GCKR: variants seen among roughly 807,000 people sequenced by gnomAD.
GCKR encodes the protein glucokinase regulator.
Under a neutral mutation model 82.9 loss-of-function variants are expected in GCKR, and 73 were observed. The ratio of observed to expected loss-of-function variants is 0.88; its 90% CI spans 0.73 to 1.07. The LOEUF (loss-of-function observed/expected upper bound fraction) is 1.07. Ranked by LOEUF, GCKR falls within the 50% of genes least tolerant of loss-of-function variation. The probability of loss-of-function intolerance (pLI) is 0.00; values close to 1 mark genes in which losing one functional copy is unlikely to be tolerated. For missense variants in GCKR, 784 were observed against 782.1 expected (o/e 1.00, Z -0.03); for synonymous variants, 294 against 291.8 (o/e 1.01, Z -0.08).
In GCKR at chr2:27,503,314, AG is replaced by A. The variant is rs1669630930; in HGVS notation, c.645-198del. 2.6e-5 allele frequency among the ~76,000 whole-genome samples: 4 copies of A among 152,168 alleles called. No homozygotes were observed. The South Asian group carries it at 8.3e-4, about 32-fold the overall frequency. ...GAGTGTTGGCTTTGCTCTGGGCTTG[AG>A]GTGCTGCATGTTTTATTAACCCCTG... On this transcript the variant is annotated intron_variant, in intron 8 of 18. Transcript: ENST00000264717.
At chr2:27,513,288 T>C (rs532872263) in intron 16 of GCKR, among the ~76,000 whole-genome samples, 106 of 152,268 alleles carry the variant, frequency 7.0e-4, no homozygotes, top group African/African-American at 2.5e-3. Context: ...CCCAGCACTT[T>C]GGGAGGCTGA....
chr2:27,500,006 C>CTCGCT (rs1669537336), intron 7 of GCKR, among the ~76,000 whole-genome samples: 1 of 152,092 alleles, frequency 6.6e-6, no homozygotes, highest in South Asian at 2.1e-4. Flanking sequence ...GCTCCACCTG[C>CTCGCT]CTCGCTCAGC....
At chr2:27,506,444 T>C (rs1175011881) in intron 10 of GCKR, 37 bp from the exon 11 acceptor site, 11 of 1,356,462 alleles carry the variant, frequency 8.1e-6, no homozygotes, top group Non-Finnish European at 1.2e-5. Flanking sequence ...TGAGGGGGAA[T>C]TGGGCCCTTC....
chr2:27,503,551 C>T lies in GCKR; in HGVS notation c.682C>T (p.Gln228Ter). 1 of 1,610,224 alleles carries T rather than the reference C, an allele frequency of 6.2e-7. No homozygotes were observed. The highest frequency in any genetic ancestry group is 1.1e-5 in the South Asian group (1 of 91,010). ...PIEDWSSTFR[Q>*]VAERMQKMQE... ...TGAAGACTGGAGTTCAACATTCCGA[C>T]AAGTAGCAGAGCGGATGCAGAAAAT... is the stretch of plus-strand genomic sequence containing the variant. Residue 228 changes from glutamine to a stop codon, truncating the protein, a stop_gained, in exon 9 of 19, where the codon CAA becomes TAA. Coordinates refer to ENST00000264717, the MANE Select transcript of GCKR (RefSeq NM_001486.4). LOFTEE classifies it high-confidence loss of function.
At position 27,496,927 on chromosome 2, in the gene GCKR, A is replaced by G; in HGVS notation, c.23A>G (p.Gln8Arg). Residue 8 changes from glutamine (Q) to arginine (R), a missense_variant, in exon 1 of 19, where the codon CAA (glutamine) becomes CGA (arginine). Gln to Arg is a conservative substitution (Grantham distance 43, BLOSUM62 1). Transcript: ENST00000264717. MPGTKRF[Q>R]HVIETPEPGK... ...ACCATGCCAGGCACAAAACGGTTTCAACATGTCATTGAGACCCCGGAGCCT... is the reference window on the plus strand; with the variant it reads ...ACCATGCCAGGCACAAAACGGTTTCGACATGTCATTGAGACCCCGGAGCCT... The G allele has an allele frequency of 6.2e-7, 1 of 1,613,856 alleles. No individual in the cohort carries two copies. The highest frequency in any genetic ancestry group is 1.3e-5 in the African/African-American group (1 of 75,040).
chr2:27,500,491 C>T (rs1669548290), intron 7 of GCKR, among the ~76,000 whole-genome samples: 1 of 152,186 alleles, frequency 6.6e-6, no homozygotes, highest in Non-Finnish European at 1.5e-5. Flanking sequence ...TGGTCTAAGG[C>T]CTCTTTTATG....
At chr2:27,516,238 C>T (rs989771154) in intron 16 of GCKR, among the ~76,000 whole-genome samples, 25 of 141,702 alleles carry the variant, frequency 1.8e-4, no homozygotes, top group Non-Finnish European at 3.5e-4. Context: ...ATTATGGAGG[C>T]GTTATGGTAT....
Position 27,499,167 on chromosome 2 carries a change from A to G in GCKR, c.454A>G (p.Thr152Ala). The G allele has an allele frequency of 1.2e-6, 2 of 1,611,428 alleles. No individual in the cohort carries two copies. The highest frequency in any genetic ancestry group is 1.7e-6 in the Non-Finnish European group (2 of 1,177,822). ...DRSVVASREGTEDSALHGIEE... is the reference protein window; with the variant it reads ...DRSVVASREGAEDSALHGIEE... ...GTCTGTGGTGGCCTCTAGGGAGGGG[A>G]CAGAAGATAGTGCCTTGCACGGGAT... The change falls in exon 6 of 19, where the codon ACA becomes GCA. Residue 152 changes from threonine (T) to alanine (A), a missense_variant. Transcript: ENST00000264717.
At chr2:27,518,631 C>T (rs1264655056) in intron 16 of GCKR, among the ~76,000 whole-genome samples, 157 bp from the exon 17 acceptor site, 1 of 152,130 alleles carries the variant, frequency 6.6e-6, no homozygotes, top group Non-Finnish European at 1.5e-5. Flanking sequence ...CATCTATTGC[C>T]CTAACATTTA....
chr2:27,499,360 T>A, intron 6 of GCKR, 37 bp from the exon 7 acceptor site: 1 of 1,544,470 alleles, frequency 6.5e-7, no homozygotes, highest in Non-Finnish European at 9.0e-7. Flanking sequence ...CCTGGAATCC[T>A]CCCAGTTACA....
At chr2:27,500,905 C>T (rs1669557912) in intron 7 of GCKR, among the ~76,000 whole-genome samples, 1 of 152,136 alleles carries the variant, frequency 6.6e-6, no homozygotes, top group Non-Finnish European at 1.5e-5. Context: ...AGTAGTATTC[C>T]AACTTTACCG....
chr2:27,499,277 C>G, intron 6 of GCKR, 69 bp downstream of exon 6: 7 of 1,370,880 alleles, frequency 5.1e-6, no homozygotes, highest in Non-Finnish European at 6.3e-6. Context: ...ATAAAAGCCC[C>G]AGCATTCAGC....
Position 27,523,532 on chromosome 2 carries a change from G to A in GCKR, c.*93G>A. The A allele has an allele frequency of 7.7e-7, 1 of 1,306,796 alleles. No homozygotes were observed. Among genetic ancestry groups the A allele is most frequent in the Non-Finnish European group, 1.1e-6 (1 of 917,882 alleles). The allele number at this position is 1,306,796 out of a possible 1,614,324, so 81.0% of individuals were successfully genotyped here. A position where few individuals can be genotyped will look rare whatever the true frequency, so the allele number is the denominator to read the frequency against. On this transcript the variant is annotated 3_prime_UTR_variant, in exon 19 of 19. Coordinates refer to ENST00000264717, the MANE Select transcript of GCKR (RefSeq NM_001486.4). ...CTTGTGCCAGCAGAACATGTGGGAG[G>A]AAGAAGCCCCGTTTCCAGGGCATCC...
chr2:27,508,513 T>C (rs1356770299), intron 16 of GCKR, among the ~76,000 whole-genome samples: 1 of 152,184 alleles, frequency 6.6e-6, no homozygotes, highest in African/African-American at 2.4e-5. Flanking sequence ...ATTTGTCCTT[T>C]GGGACAGGTT....
intron 8 of GCKR, among the ~76,000 whole-genome samples, chr2:27,502,007 A>C (rs955934277): frequency 6.6e-6 from 1 of 152,194 alleles, no homozygotes; most frequent in African/African-American, 2.4e-5. Context: ...GGTTTGGGGA[A>C]CTCTGCTAAA....
At chr2:27,510,216 AGCCAGGAT>A (rs2148587437) in intron 16 of GCKR, among the ~76,000 whole-genome samples, 1 of 151,930 alleles carries the variant, frequency 6.6e-6, no homozygotes, top group East Asian at 1.9e-4. Context: ...TCACCGTGTT[AGCCAGGAT>A]GGTCTCGATC....
Position 27,522,496 on chromosome 2 carries a change from A to C in GCKR, c.1609A>C (p.Ser537Arg), listed in dbSNP as rs766372966. ...SGQSKARCIESLLRAIHFPQP... is the reference protein window; with the variant it reads ...SGQSKARCIERLLRAIHFPQP... ...ACAGTCCAAGGCTCGATGCATCGAG[A>C]GCCTCCTCCGAGCGATCCACTTTCC... The change falls in exon 18 of 19, where the codon AGC (serine) becomes CGC (arginine). Residue 537 changes from serine (S) to arginine (R), a missense_variant. Coordinates refer to ENST00000264717, the MANE Select transcript of GCKR (RefSeq NM_001486.4). 2 of 1,612,778 alleles carry C rather than the reference A, an allele frequency of 1.2e-6. No homozygotes were observed. The highest frequency in any genetic ancestry group is 8.5e-7 in the Non-Finnish European group (1 of 1,178,998).
chr2:27,507,529 A>C, intron 13 of GCKR, 152 bp from the exon 14 acceptor site: 1 of 685,792 alleles, frequency 1.5e-6, no homozygotes, highest in Non-Finnish European at 2.6e-6. Flanking sequence ...GACTTGTTAC[A>C]TAATCTTGGG....
chr2:27,503,329 T>C (rs561034662), intron 8 of GCKR, among the ~76,000 whole-genome samples, 185 bp from the exon 9 acceptor site: 1 of 152,320 alleles, frequency 6.6e-6, no homozygotes, highest in South Asian at 2.1e-4. Flanking sequence ...CTGCATGTTT[T>C]ATTAACCCCT....
Sources: allele counts gnomAD v4.1 joint callset (sites outside exome capture counted in the v4.1 genomes callset), GRCh38; gene constraint gnomAD v4.1.1; transcripts MANE v1.5; gene names NCBI Gene and HGNC (gene_info 2026-07-23, HGNC 2026-07-21).